Variants in ALPK2 observed in about 807,000 individuals in gnomAD.
The protein encoded by ALPK2 is alpha-protein kinase 2.
A neutral mutation model predicts 163.1 loss-of-function variants in ALPK2; 127 were observed. The ratio of observed to expected loss-of-function variants is 0.78; its 90% CI spans 0.67 to 0.90. ALPK2 has a LOEUF of 0.90. Among genes scored for constraint, ALPK2 ranks in the 40% least tolerant of loss-of-function variants. The pLI is 0.00. For missense variants in ALPK2, 2,360 were observed against 2,589.6 expected (o/e 0.91, Z 1.92); for synonymous variants, 953 against 959.1 (o/e 0.99, Z 0.12).
intron 6 of ALPK2, among the ~76,000 whole-genome samples, chr18:58,526,990 C>T (rs1198041945): frequency 6.6e-6 from 1 of 151,610 alleles, no homozygotes; most frequent in Non-Finnish European, 1.5e-5. Context: ...AGTTTATTAC[C>T]TGTCAAACAT....
chr18:58,507,600 G>T (rs958504746), intron 10 of ALPK2, among the ~76,000 whole-genome samples: 6 of 152,142 alleles, frequency 3.9e-5, no homozygotes, highest in Non-Finnish European at 8.8e-5. Flanking sequence ...AACACGTAAG[G>T]CTTGTCTTTC....
rs184476745 is a variant in ALPK2 at position 58,557,398 on chromosome 18, A to T, written c.1963-19174T>A. ...ACAGAATGGGCACCACCGAGAGGGA[A>T]CCCTCATGTAAATCATGGGCTTTGG... On this transcript the variant is annotated intron_variant, in intron 4 of 12. Coordinates refer to ENST00000361673, the MANE Select transcript of ALPK2 (RefSeq NM_052947.4). Among the ~76,000 whole-genome samples the T allele has an allele frequency of 5.1e-3, 782 of 152,204 alleles. 3 individuals are homozygous for T. Among genetic ancestry groups the T allele is most frequent in the Middle Eastern group, 0.014 (4 of 294 alleles).
intron 4 of ALPK2, among the ~76,000 whole-genome samples, chr18:58,576,736 C>T (rs550487968): frequency 6.6e-6 from 1 of 152,270 alleles, no homozygotes; most frequent in Admixed American, 6.5e-5. Context: ...GTCCCTGTGG[C>T]AAAATTTTCC....
At chr18:58,514,941 C>T in intron 10 of ALPK2, 52 bp downstream of exon 10, 1 of 1,444,960 alleles carries the variant, frequency 6.9e-7, no homozygotes, top group South Asian at 1.2e-5. Context: ...CTCGTCCCTC[C>T]TAGTCCCCAA....
chr18:58,598,596 CT>C (rs1167340764), intron 3 of ALPK2, among the ~76,000 whole-genome samples: 3 of 152,200 alleles, frequency 2.0e-5, no homozygotes, highest in Admixed American at 1.3e-4. Flanking sequence ...AACTGAACCC[CT>C]TTCTCAGTCC....
intron 8 of ALPK2, among the ~76,000 whole-genome samples, chr18:58,521,703 C>T (rs1305988538): frequency 7.3e-6 from 1 of 136,078 alleles, no homozygotes. Flanking sequence ...TCTCAGCTCA[C>T]TGCAACCTCC....
At chr18:58,614,355 A>G (rs2052152724) in intron 1 of ALPK2, among the ~76,000 whole-genome samples, 1 of 152,224 alleles carries the variant, frequency 6.6e-6, no homozygotes, top group South Asian at 2.1e-4. Flanking sequence ...TCTTTAACAA[A>G]TGACTTACAT....
At chr18:58,568,734 C>T (rs1326274089) in intron 4 of ALPK2, among the ~76,000 whole-genome samples, 1 of 152,144 alleles carries the variant, frequency 6.6e-6, no homozygotes, top group Admixed American at 6.5e-5. Flanking sequence ...CAACTATTCA[C>T]GTAGCATTTA....
intron 3 of ALPK2, among the ~76,000 whole-genome samples, chr18:58,593,259 A>C (rs1216251791): frequency 6.6e-6 from 1 of 152,182 alleles, no homozygotes; most frequent in Non-Finnish European, 1.5e-5. Context: ...TCTAAAATTA[A>C]AGTCTATTTA....
chr18:58,517,594 C>T (rs1402516421), intron 8 of ALPK2, among the ~76,000 whole-genome samples: 3 of 151,334 alleles, frequency 2.0e-5, no homozygotes, highest in African/African-American at 4.9e-5. Flanking sequence ...TTGCCCCCCA[C>T]CCCCCGCAAC....
chr18:58,527,117 C>T (rs991226990), intron 6 of ALPK2, among the ~76,000 whole-genome samples: 1 of 151,194 alleles, frequency 6.6e-6, no homozygotes, highest in Non-Finnish European at 1.5e-5. Flanking sequence ...TACAGGTTCC[C>T]TCATGATTTA....
At chr18:58,617,462 C>T (rs1371605020) in intron 1 of ALPK2, among the ~76,000 whole-genome samples, 3 of 152,206 alleles carry the variant, frequency 2.0e-5, no homozygotes, top group Admixed American at 6.5e-5. Context: ...GCTGGGATTA[C>T]AGGCGTGAAC....
At chr18:58,578,214 A>C (rs907892180) in intron 4 of ALPK2, 1 of 152,220 alleles carries the variant, frequency 6.6e-6, no homozygotes, top group Non-Finnish European at 1.5e-5. Context: ...AAAATAAGAC[A>C]AACATCCAAT....
rs536885868 is a variant in ALPK2, at chr18:58,574,535, T to G, written c.1962+4279A>C. ...GGACCGGTAACTGTCTGTCTCCTGT[T>G]AGGAACTGGGCCACGCAGCAGGAGG... On this transcript the variant is annotated intron_variant, in intron 4 of 12. Transcript: ENST00000361673. Among the ~76,000 whole-genome samples, 105 of 151,928 alleles carry G rather than the reference T, an allele frequency of 6.9e-4. 1 individual carries two copies. Among genetic ancestry groups the G allele is most frequent in the Middle Eastern group, 6.8e-3 (2 of 292 alleles).
chr18:58,512,820 G>A (rs2051498456), intron 10 of ALPK2, among the ~76,000 whole-genome samples: 1 of 138,804 alleles, frequency 7.2e-6, no homozygotes, highest in Non-Finnish European at 1.6e-5. Flanking sequence ...TGAGGTGCAT[G>A]TATGAGGTGT....
intron 4 of ALPK2, among the ~76,000 whole-genome samples, chr18:58,553,854 T>G (rs1327089244): frequency 1.6e-5 from 1 of 63,388 alleles, no homozygotes; most frequent in Non-Finnish European, 2.9e-5. Flanking sequence ...TTTTTGGTTT[T>G]TTTTTTTTTT....
intron 4 of ALPK2, among the ~76,000 whole-genome samples, chr18:58,568,204 G>A (rs2051866560): frequency 6.6e-6 from 1 of 152,204 alleles, no homozygotes; most frequent in South Asian, 2.1e-4. Context: ...AATGTGAGGT[G>A]TTTCTGGGAT....
chr18:58,512,868 ATG>A (rs1351570543), intron 10 of ALPK2, among the ~76,000 whole-genome samples: 8 of 83,598 alleles, frequency 9.6e-5, no homozygotes, highest in Admixed American at 1.4e-4. Flanking sequence ...GGTGTGTTGT[ATG>A]TGTGGTGTGT....
intron 12 of ALPK2, among the ~76,000 whole-genome samples, chr18:58,494,180 G>A (rs942005602): frequency 7.2e-5 from 11 of 152,158 alleles, no homozygotes; most frequent in Non-Finnish European, 1.5e-4. Context: ...TTTGTTCAAC[G>A]GGTTAGTATC....
Sources: gnomAD v4.1 joint callset for allele counts (sites outside exome capture counted in the v4.1 genomes callset) on GRCh38, gnomAD v4.1.1 for gene constraint, MANE v1.5 for transcripts, NCBI Gene and HGNC (gene_info 2026-07-23, HGNC 2026-07-21) for gene names.